ROBO1: variants seen among roughly 807,000 people sequenced by gnomAD.
ROBO1 encodes the protein roundabout homolog 1.
ROBO1 carries 149 observed loss-of-function variants against 195.9 expected under a neutral mutation model. That is an observed-to-expected ratio of 0.76 (90% CI 0.67 to 0.87). ROBO1 has a LOEUF of 0.87. Among genes scored for constraint, ROBO1 ranks in the 40% least tolerant of loss-of-function variants. The probability of loss-of-function intolerance (pLI) is 0.00; values close to 1 mark genes in which losing one functional copy is unlikely to be tolerated. For missense variants in ROBO1, 1,933 were observed against 2,068.3 expected (o/e 0.93, Z 1.27); for synonymous variants, 816 against 733.2 (o/e 1.11, Z -1.82).
chr3:78,614,300 G>A (rs981311543), intron 28 of ROBO1, among the ~76,000 whole-genome samples: 1 of 152,132 alleles, frequency 6.6e-6, no homozygotes, highest in Non-Finnish European at 1.5e-5. Context: ...AGACACTTTG[G>A]AGGATTTATC....
chr3:78,618,904 C>G lies in ROBO1; in HGVS notation c.3876-863G>C, dbSNP rs1470069413. 2.6e-5 allele frequency among the ~76,000 whole-genome samples: 4 copies of G among 152,246 alleles called. 1 individual carries two copies. In the East Asian group the frequency reaches 7.7e-4, roughly 29 times the overall value. ...GCTAGAAGCCATCCTTCCACTAACACCACTAGGGCTATGATCCACAGTGAA... is the reference window on the plus strand; with the variant it reads ...GCTAGAAGCCATCCTTCCACTAACAGCACTAGGGCTATGATCCACAGTGAA... On this transcript the variant is annotated intron_variant, in intron 26 of 30. Transcript: ENST00000464233.
intron 3 of ROBO1, among the ~76,000 whole-genome samples, chr3:79,004,448 C>T (rs1022589179): frequency 3.9e-5 from 6 of 152,126 alleles, no homozygotes; most frequent in African/African-American, 1.4e-4. Context: ...GACACAGACT[C>T]TCGTAGTTTG....
At chr3:78,821,500 T>C (rs1314718171) in intron 4 of ROBO1, among the ~76,000 whole-genome samples, 1 of 152,102 alleles carries the variant, frequency 6.6e-6, no homozygotes, top group Non-Finnish European at 1.5e-5. Flanking sequence ...CCCATCTGTG[T>C]AGTCACTTTT....
chr3:78,638,591 C>T, intron 22 of ROBO1, among the ~76,000 whole-genome samples: 1 of 151,922 alleles, frequency 6.6e-6, no homozygotes, highest in East Asian at 1.9e-4. Context: ...AATTATATGC[C>T]AGGCACAGTA....
intron 2 of ROBO1, among the ~76,000 whole-genome samples, chr3:79,383,712 A>T (rs779275474): frequency 6.6e-6 from 1 of 152,056 alleles, no homozygotes; most frequent in Admixed American, 6.6e-5. Context: ...TGCAAAATTC[A>T]TGTACTCAGT....
chr3:78,834,413 C>T (rs1328262413), intron 4 of ROBO1, among the ~76,000 whole-genome samples: 4 of 148,970 alleles, frequency 2.7e-5, no homozygotes, highest in Admixed American at 6.8e-5. Flanking sequence ...CTTGATGGTG[C>T]GGGGGTCAGA....
chr3:79,615,600 G>C (rs552808349), intron 1 of ROBO1, among the ~76,000 whole-genome samples: 1 of 152,174 alleles, frequency 6.6e-6, no homozygotes, highest in East Asian at 1.9e-4. Flanking sequence ...AATCAAAATA[G>C]CTATGAAAAA....
chr3:79,141,567 G>GTTTTTTTTTTTTTTTTTTTT, intron 2 of ROBO1, among the ~76,000 whole-genome samples: 1 of 139,412 alleles, frequency 7.2e-6, no homozygotes, highest in Non-Finnish European at 1.5e-5. Flanking sequence ...TGCTGTTGTT[G>GTTTTTTTTTTTTTTTTTTTT]TTTTTTTTTT....
intron 2 of ROBO1, among the ~76,000 whole-genome samples, chr3:79,495,004 GA>G (rs938806709): frequency 6.7e-6 from 1 of 148,942 alleles, no homozygotes; most frequent in African/African-American, 2.5e-5. Flanking sequence ...ATCTGACATA[GA>G]TAGATTGACA....
intron 16 of ROBO1, 81 bp downstream of exon 16, chr3:78,660,949 T>C (rs1257267842): frequency 2.1e-6 from 2 of 936,076 alleles, no homozygotes; most frequent in South Asian, 3.5e-5. Context: ...ACTATTAACA[T>C]TATAACAATT....
chr3:79,659,842 G>T (rs12492181), intron 1 of ROBO1, among the ~76,000 whole-genome samples: 41,243 of 151,768 alleles, frequency 0.27, 6,810 homozygotes, highest in East Asian at 0.5. Context: ...AATGGTGATA[G>T]GGATGAAGTA....
chr3:79,015,982 C>T (rs1224035997), intron 3 of ROBO1, among the ~76,000 whole-genome samples: 1 of 152,114 alleles, frequency 6.6e-6, no homozygotes, highest in Admixed American at 6.6e-5. Flanking sequence ...GTAAGTTATC[C>T]CCTCAGTACA....
intron 2 of ROBO1, among the ~76,000 whole-genome samples, chr3:79,162,105 T>G (rs1407456163): frequency 6.6e-6 from 1 of 152,082 alleles, no homozygotes; most frequent in African/African-American, 2.4e-5. Context: ...AGCAATGTCT[T>G]GCCAATAAAA....
At chr3:79,590,199 A>T (rs9816905) in intron 1 of ROBO1, among the ~76,000 whole-genome samples, 25,302 of 151,690 alleles carry the variant, frequency 0.17, 3,316 homozygotes, top group African/African-American at 0.36. Context: ...ATTAATCATA[A>T]ATGATTCCTG....
At chr3:78,634,377 T>A (rs957389297) in intron 23 of ROBO1, 1 of 196,814 alleles carries the variant, frequency 5.1e-6, no homozygotes, top group Non-Finnish European at 1.1e-5. Context: ...AATATATCTA[T>A]GATTAAAAAA....
chr3:79,251,459 T>C (rs148673743), intron 2 of ROBO1, among the ~76,000 whole-genome samples: 109 of 152,098 alleles, frequency 7.2e-4, no homozygotes, highest in Admixed American at 2.6e-3. Flanking sequence ...GCATTAAAAA[T>C]TTAGGTGACC....
intron 2 of ROBO1, among the ~76,000 whole-genome samples, chr3:79,333,508 T>C (rs910476654): frequency 1.3e-5 from 2 of 152,134 alleles, no homozygotes; most frequent in Non-Finnish European, 2.9e-5. Flanking sequence ...TTATCAAGCC[T>C]GCCATGCCTA....
At chr3:78,890,746 TTTTA>T (rs1387366531) in intron 4 of ROBO1, among the ~76,000 whole-genome samples, 3 of 152,146 alleles carry the variant, frequency 2.0e-5, no homozygotes, top group Non-Finnish European at 4.4e-5. Context: ...CATTTCGTGT[TTTTA>T]TTTGTTTATT....
intron 4 of ROBO1, among the ~76,000 whole-genome samples, chr3:78,837,972 AT>A (rs2032886130): frequency 6.6e-6 from 1 of 152,216 alleles, no homozygotes; most frequent in Non-Finnish European, 1.5e-5. Context: ...AAATGCCAAC[AT>A]TTGTAAATAT....
Sources: gnomAD v4.1 joint callset for allele counts (sites outside exome capture counted in the v4.1 genomes callset) on GRCh38, gnomAD v4.1.1 for gene constraint, MANE v1.5 for transcripts, NCBI Gene and HGNC (gene_info 2026-07-23, HGNC 2026-07-21) for gene names.